ANKRD36: variants seen among roughly 807,000 people sequenced by gnomAD.
ANKRD36 encodes ankyrin repeat domain 36.
ANKRD36 carries 179 observed loss-of-function variants against 278.1 expected under a neutral mutation model. The observed-to-expected ratio is 0.64, with a 90% CI of 0.57 to 0.73. ANKRD36 has a LOEUF of 0.73. Among genes scored for constraint, ANKRD36 ranks in the 30% least tolerant of loss-of-function variants. The pLI is 0.00. For missense variants in ANKRD36, 1,159 were observed against 1,956.7 expected (o/e 0.59, Z 7.69); for synonymous variants, 320 against 641.1 (o/e 0.50, Z 7.57).
In ANKRD36 at chr2:97,202,086, G is replaced by C. The variant is rs1249503744; in HGVS notation, c.2858-116G>C. On this transcript the variant is annotated intron_variant, in intron 46 of 75. Coordinates refer to ENST00000420699, the MANE Select transcript of ANKRD36 (RefSeq NM_001354587.1). ...TCCCCAGACACAAAGTAGAAGCCAT[G>C]AAGGCCTATGCTAATACAGGCAGGA... 45 of 1,557,456 alleles carry C rather than the reference G, an allele frequency of 2.9e-5. 1 individual carries two copies. The highest frequency in any genetic ancestry group is 2.7e-4 in the Admixed American group (14 of 51,896).
rs1282018884 is a variant in ANKRD36, at chr2:97,213,626, A to C, written c.3571+12A>C. ...ACAATCTGGAACAGGTAATTTTGCA[A>C]AACACATTTAATGTCATGTTCAGTC... On this transcript the variant is annotated intron_variant, in intron 60 of 75. Transcript: ENST00000420699. 1.8e-6 allele frequency: 1 copy of C among 551,536 alleles called. No individual in the cohort carries two copies. Among genetic ancestry groups the C allele is most frequent in the African/African-American group, 2.1e-5 (1 of 47,838 alleles). The allele number at this position is 551,536 out of a possible 1,614,324, so 34.2% of individuals were successfully genotyped here.
intron 1 of ANKRD36, among the ~76,000 whole-genome samples, chr2:97,117,541 A>C (rs1244871163): frequency 6.6e-6 from 1 of 152,094 alleles, no homozygotes; most frequent in Non-Finnish European, 1.5e-5. Context: ...ATAGTAGCTT[A>C]TATAAGAGAA....
intron 38 of ANKRD36, among the ~76,000 whole-genome samples, chr2:97,193,686 A>C (rs1451302667): frequency 6.6e-6 from 1 of 151,652 alleles, no homozygotes; most frequent in East Asian, 2.0e-4. Context: ...ATTGGAATAC[A>C]CCACACTGAC....
chr2:97,203,014 G>C (rs2153601789), intron 48 of ANKRD36, among the ~76,000 whole-genome samples: 1 of 151,904 alleles, frequency 6.6e-6, no homozygotes, highest in South Asian at 2.1e-4. Context: ...AGCAATCCTA[G>C]AACTGGCATA....
At chr2:97,118,283 C>T (rs1003257147) in intron 2 of ANKRD36, 61 bp from the exon 3 acceptor site, 1 of 1,610,236 alleles carries the variant, frequency 6.2e-7, no homozygotes. Flanking sequence ...AGTAGGAAAT[C>T]CTACGGAGTG....
In ANKRD36 at chr2:97,127,374, C is replaced by A. The variant is rs1174753746; in HGVS notation, c.799+240C>A. On this transcript the variant is annotated intron_variant, in intron 6 of 75. Coordinates refer to ENST00000420699, the MANE Select transcript of ANKRD36 (RefSeq NM_001354587.1). Reference sequence around the variant, plus strand: ...TATGGTTCCTAATATTCTAGATGACCTTTTTGTGTAAATAAGAAAACAAAT... The same window carrying A: ...TATGGTTCCTAATATTCTAGATGACATTTTTGTGTAAATAAGAAAACAAAT... 4.0e-5 allele frequency among the ~76,000 whole-genome samples: 6 copies of A among 151,572 alleles called. 2 individuals are homozygous for A. The highest frequency in any genetic ancestry group is 4.0e-4 in the Admixed American group (6 of 15,164).
At chr2:97,242,353 A>G (rs1258579664) in intron 69 of ANKRD36, among the ~76,000 whole-genome samples, 9 of 151,974 alleles carry the variant, frequency 5.9e-5, no homozygotes, top group Non-Finnish European at 1.0e-4. Flanking sequence ...AGTAAAATGT[A>G]AAGTGATTAC....
chr2:97,174,325 T>C (rs1305685347), intron 22 of ANKRD36, among the ~76,000 whole-genome samples: 4 of 151,546 alleles, frequency 2.6e-5, no homozygotes, highest in Non-Finnish European at 5.9e-5. Flanking sequence ...TTTAGAATAT[T>C]TGCATAAGGG....
intron 32 of ANKRD36, 44 bp downstream of exon 32, chr2:97,187,445 GA>G (rs754563412): frequency 2.6e-5 from 23 of 898,520 alleles, no homozygotes; most frequent in Non-Finnish European, 3.1e-5. Context: ...AATCCAGATA[GA>G]AAAGAACTTC....
chr2:97,123,114 T>C, intron 4 of ANKRD36, 121 bp downstream of exon 4: 2 of 805,934 alleles, frequency 2.5e-6, no homozygotes, highest in Middle Eastern at 3.7e-4. Context: ...TATTGGGATA[T>C]AGTGAGAAAT....
chr2:97,226,381 G>A (rs1413289369), intron 67 of ANKRD36, among the ~76,000 whole-genome samples: 2 of 151,604 alleles, frequency 1.3e-5, no homozygotes, highest in African/African-American at 2.4e-5. Context: ...GCCAGTGATG[G>A]TGAGCATTTT....
chr2:97,188,255 T>G (rs1395937136), intron 32 of ANKRD36, among the ~76,000 whole-genome samples: 1 of 151,516 alleles, frequency 6.6e-6, no homozygotes, highest in Non-Finnish European at 1.5e-5. Flanking sequence ...GAACAAAAAT[T>G]ATGTTGAATT....
intron 22 of ANKRD36, among the ~76,000 whole-genome samples, chr2:97,175,990 T>G (rs1402309097): frequency 6.6e-6 from 1 of 151,746 alleles, no homozygotes; most frequent in African/African-American, 2.4e-5. Flanking sequence ...GTCTGAGAGA[T>G]AGTTTGTTAT....
At chr2:97,222,673 A>C (rs1364784635) in intron 66 of ANKRD36, among the ~76,000 whole-genome samples, 1 of 152,134 alleles carries the variant, frequency 6.6e-6, no homozygotes, top group Non-Finnish European at 1.5e-5. Flanking sequence ...GCATGTTTCT[A>C]GCCAGAGGGA....
intron 70 of ANKRD36, 98 bp downstream of exon 70, chr2:97,244,127 C>G: frequency 7.1e-7 from 1 of 1,410,302 alleles, no homozygotes. Context: ...CCTGAACAAT[C>G]CCCAAATTTT....
At chr2:97,202,867 G>T (rs535121972) in intron 48 of ANKRD36, among the ~76,000 whole-genome samples, 302 of 151,796 alleles carry the variant, frequency 2.0e-3, no homozygotes, top group Non-Finnish European at 2.7e-3. Flanking sequence ...GGCAGGAAGG[G>T]GTGAAAAGAG....
intron 67 of ANKRD36, among the ~76,000 whole-genome samples, chr2:97,229,728 A>G (rs1269649249): frequency 6.6e-6 from 1 of 151,190 alleles, no homozygotes; most frequent in South Asian, 2.1e-4. Flanking sequence ...GTTTCTTCCT[A>G]GTCTCGATGG....
chr2:97,240,978 CTA>C (rs1350991725), intron 68 of ANKRD36, among the ~76,000 whole-genome samples: 31 of 74,314 alleles, frequency 4.2e-4, no homozygotes, highest in Non-Finnish European at 4.3e-4. Flanking sequence ...AATCACATAA[CTA>C]TGTTTTTTTT....
At chr2:97,179,648 C>A in intron 22 of ANKRD36, 90 bp from the exon 23 acceptor site, 2 of 1,548,272 alleles carry the variant, frequency 1.3e-6, no homozygotes, top group South Asian at 2.4e-5. Flanking sequence ...GAGTACAAAA[C>A]TTGATGCTAA....
Sources: allele counts gnomAD v4.1 joint callset (sites outside exome capture counted in the v4.1 genomes callset), GRCh38; gene constraint gnomAD v4.1.1; transcripts MANE v1.5; gene names NCBI Gene and HGNC (gene_info 2026-07-23, HGNC 2026-07-21).